ZNF709: variants seen among roughly 807,000 people sequenced by gnomAD.
ZNF709 encodes the protein zinc finger protein 709.
In ZNF709, 15 loss-of-function variants were observed where a neutral mutation model predicts 10.6. That is an observed-to-expected ratio of 1.41 (90% CI 0.95 to 2.18). The LOEUF (loss-of-function observed/expected upper bound fraction) is 2.18, where lower values mean the gene tolerates loss of function less well. Among genes scored for constraint, ZNF709 ranks in the 30% most tolerant of loss-of-function variants. The pLI, the probability that ZNF709 is intolerant of heterozygous loss-of-function variation, is 0.00. For missense variants in ZNF709, 589 were observed against 774.0 expected, an observed-to-expected ratio of 0.76 and a Z score of 2.84; for synonymous variants, 194 against 238.8, an observed-to-expected ratio of 0.81 and a Z score of 1.73.
At chr19:12,465,816 CAT>C in intron 3 of ZNF709, 83 bp from the exon 4 acceptor site, 1 of 1,123,898 alleles carries the variant, frequency 8.9e-7, no homozygotes, top group Non-Finnish European at 1.2e-6. Flanking sequence ...ATTTCACAAT[CAT>C]TAGTAGGTAG....
intron 1 of ZNF709, among the ~76,000 whole-genome samples, chr19:12,483,005 G>A (rs1426825464): frequency 6.6e-6 from 1 of 152,080 alleles, no homozygotes; most frequent in Non-Finnish European, 1.5e-5. Flanking sequence ...TGGATAACCT[G>A]AGCCCAGAAT....
At chr19:12,468,042 C>A (rs1280485599) in intron 1 of ZNF709, among the ~76,000 whole-genome samples, 76 of 149,498 alleles carry the variant, frequency 5.1e-4, no homozygotes, top group African/African-American at 1.7e-3. Context: ...CAGCCCCCGC[C>A]CGGCCAGCCG....
At chr19:12,473,631 A>AAC (rs1970653144) in intron 1 of ZNF709, among the ~76,000 whole-genome samples, 1 of 152,214 alleles carries the variant, frequency 6.6e-6, no homozygotes, top group Non-Finnish European at 1.5e-5. Flanking sequence ...TACACCTATG[A>AAC]AGCCCTCAGT....
intron 1 of ZNF709, among the ~76,000 whole-genome samples, chr19:12,467,615 T>G (rs555064626): frequency 6.7e-6 from 1 of 149,704 alleles, no homozygotes; most frequent in South Asian, 2.1e-4. Context: ...GTCTGGGATG[T>G]GAGGAGCCCC....
At chr19:12,466,378 T>A in intron 3 of ZNF709, 84 bp downstream of exon 3, 1 of 1,343,570 alleles carries the variant, frequency 7.4e-7, no homozygotes, top group African/African-American at 1.5e-5. Flanking sequence ...GGGGCTTATT[T>A]GTTTCAATTA....
In ZNF709 at chr19:12,463,465, C is replaced by T. The variant is rs1308857510; in HGVS notation, c.*531G>A. ...AAATTCTTTACACTTCATATGCCTT[C>T]TCATGGTCCTTAAAAGGTCATATGA... is the stretch of plus-strand genomic sequence containing the variant. On this transcript the variant is annotated 3_prime_UTR_variant, in exon 4 of 4. Coordinates refer to ENST00000397732, the MANE Select transcript of ZNF709 (RefSeq NM_152601.4). 6.6e-6 allele frequency: 1 copy of T among 152,222 alleles called. No homozygotes were observed. Among genetic ancestry groups the T allele is most frequent in the African/African-American group, 2.4e-5 (1 of 41,452 alleles). 9.4% of individuals were successfully genotyped at this position (152,222 alleles called of 1,614,324 possible). A position where few individuals can be genotyped will look rare whatever the true frequency, so the allele number is the denominator to read the frequency against.
Position 12,464,291 on chromosome 19 carries a change from G to T in ZNF709, c.1631C>A (p.Ser544Tyr). The change falls in exon 4 of 4, where the codon TCC becomes TAC. Residue 544 changes from serine to tyrosine, a missense_variant. Physicochemically the swap from Ser to Tyr is moderately radical, Grantham distance 144. This residue lies in a region of ZNF709 where 171 missense variants were observed against 277.7 expected (regional missense o/e 0.62). Coordinates refer to ENST00000397732, the MANE Select transcript of ZNF709 (RefSeq NM_152601.4). ...CCTTTCATGTATTCGAATGGAACTG[G>T]AACAACTAAACGCCTTACCACACTG... is the stretch of plus-strand genomic sequence containing the variant. ...CKQCGKAFSC[S>Y]SSIRIHERTH... The T allele has an allele frequency of 6.2e-7, 1 of 1,605,798 alleles. No individual in the cohort carries two copies. The highest frequency in any genetic ancestry group is 1.1e-5 in the South Asian group (1 of 89,578).
At position 12,462,452 on chromosome 19, in the gene ZNF709, ATC is replaced by A. The variant is rs1482822743; in HGVS notation, c.*1542_*1543del. Reference sequence around the variant, plus strand: ...TATAGGTTATATGGTTCTATCTCAGATCTCTCTTATTAATACAAAGTCTATTA... The same window carrying A: ...TATAGGTTATATGGTTCTATCTCAGATCTCTTATTAATACAAAGTCTATTA... On this transcript the variant is annotated 3_prime_UTR_variant, in exon 4 of 4. Transcript: ENST00000397732. 2.6e-5 allele frequency: 4 copies of A among 152,326 alleles called. No homozygotes were observed. The East Asian group carries it at 7.7e-4, about 29-fold the overall frequency. The allele number at this position is 152,326 out of a possible 1,614,324, so 9.4% of individuals were successfully genotyped here.
At chr19:12,476,784 G>T (rs1970681311) in intron 1 of ZNF709, among the ~76,000 whole-genome samples, 1 of 152,082 alleles carries the variant, frequency 6.6e-6, no homozygotes, top group South Asian at 2.1e-4. Flanking sequence ...TTACCAAATG[G>T]TTTTTAGGAA....
intron 1 of ZNF709, among the ~76,000 whole-genome samples, chr19:12,476,591 T>G (rs1260377391): frequency 6.6e-6 from 1 of 152,194 alleles, no homozygotes; most frequent in Non-Finnish European, 1.5e-5. Flanking sequence ...TAGAGCCTTT[T>G]GCGGTAGGGG....
At position 12,463,838 on chromosome 19, in the gene ZNF709, A is replaced by T; in HGVS notation, c.*158T>A. 3.9e-6 allele frequency: 2 copies of T among 507,110 alleles called. No homozygotes were observed. Among genetic ancestry groups the T allele is most frequent in the Non-Finnish European group, 6.4e-6 (2 of 312,340 alleles). 31.4% of individuals were successfully genotyped at this position (507,110 alleles called of 1,614,324 possible). A position where few individuals can be genotyped will look rare whatever the true frequency, so the allele number is the denominator to read the frequency against. On this transcript the variant is annotated 3_prime_UTR_variant, in exon 4 of 4. Transcript: ENST00000397732. ...GCTACTCAGGAAGCTGAGGCAGGAG[A>T]ATCGCTTGAACCCAGGAGACAGAGG...
chr19:12,465,872 A>C, intron 3 of ZNF709, 139 bp from the exon 4 acceptor site: 1 of 581,696 alleles, frequency 1.7e-6, no homozygotes, highest in Non-Finnish European at 2.7e-6. Flanking sequence ...GTATGTCATG[A>C]ATGCTCAGGA....
chr19:12,464,169 C>T lies in ZNF709; in HGVS notation c.1753G>A (p.Val585Met), dbSNP rs753834244. Residue 585 changes from valine to methionine, a missense_variant, in exon 4 of 4, where the codon GTG becomes ATG. This residue lies in a region of ZNF709 where 171 missense variants were observed against 277.7 expected (regional missense o/e 0.62). Transcript: ENST00000397732. ...VRMHERTHTG[V>M]KPYECKQCDK... ...CATTGTTTACATTCATAGGGTTTCA[C>T]TCCAGTGTGAGTCCTTTCATGCATT... 1 of 1,577,318 alleles carries T rather than the reference C, an allele frequency of 6.3e-7. No individual in the cohort carries two copies. Among genetic ancestry groups the T allele is most frequent in the South Asian group, 1.2e-5 (1 of 83,624 alleles).
chr19:12,470,072 G>T (rs1006573374), intron 1 of ZNF709, among the ~76,000 whole-genome samples: 10 of 152,188 alleles, frequency 6.6e-5, no homozygotes, highest in Non-Finnish European at 1.3e-4. Flanking sequence ...ATTTCAGAAA[G>T]AAGTGATCCG....
intron 1 of ZNF709, among the ~76,000 whole-genome samples, chr19:12,469,697 A>G (rs929872035): frequency 6.6e-6 from 1 of 152,058 alleles, no homozygotes; most frequent in Admixed American, 6.6e-5. Flanking sequence ...TGAACCTGGG[A>G]GGCAGAGCTT....
Position 12,465,385 on chromosome 19 carries a change from C to A in ZNF709, c.537G>T (p.Trp179Cys). 2 of 1,610,438 alleles carry A rather than the reference C, an allele frequency of 1.2e-6. No homozygotes were observed. Among genetic ancestry groups the A allele is most frequent in the South Asian group, 2.2e-5 (2 of 90,546 alleles). Residue 179 changes from tryptophan (W) to cysteine (C), a missense_variant, in exon 4 of 4, where the codon TGG (tryptophan) becomes TGT (cysteine). Trp to Cys is a radical substitution (Grantham distance 215). Around this residue, in one of 2 missense-constraint regions of ZNF709, gnomAD observed 418 missense variants for 496.3 expected, o/e 0.84. Transcript: ENST00000397732. ...TTTCATGTATTTGAAAGGAACTGGGCCAACTGAAAGCCTTACCACACTGTT... is the reference window on the plus strand; with the variant it reads ...TTTCATGTATTTGAAAGGAACTGGGACAACTGAAAGCCTTACCACACTGTT... ...KCKQCGKAFS[W>C]PSSFQIHERT...
At chr19:12,469,897 T>G (rs1214948348) in intron 1 of ZNF709, among the ~76,000 whole-genome samples, 3 of 152,190 alleles carry the variant, frequency 2.0e-5, no homozygotes, top group Admixed American at 6.5e-5. Flanking sequence ...AACCTAACAG[T>G]GTACCCTGAG....
intron 1 of ZNF709, among the ~76,000 whole-genome samples, chr19:12,478,741 T>A (rs543968486): frequency 6.6e-6 from 1 of 152,266 alleles, no homozygotes; most frequent in African/African-American, 2.4e-5. Context: ...TGGCCTGGGT[T>A]TTTATTGTAG....
Position 12,465,080 on chromosome 19 carries a change from T to C in ZNF709, c.842A>G (p.Gln281Arg), listed in dbSNP as rs183502634. The change falls in exon 4 of 4, where the codon CAG becomes CGG. Residue 281 changes from glutamine to arginine, a missense_variant. Gln to Arg is a conservative substitution (Grantham distance 43, BLOSUM62 1). Around this residue, in one of 2 missense-constraint regions of ZNF709, gnomAD observed 418 missense variants for 496.3 expected, o/e 0.84. Transcript: ENST00000397732. ...ERTHTGEKPY[Q>R]CKQCGKALSC... ...AAGAGCTTTACCACATTGCTTACAC[T>C]GATAGGGTTTTTCCCCAGTGTGAGT... The C allele has an allele frequency of 5.9e-4, 958 of 1,613,056 alleles. 11 individuals are homozygous for C. The Admixed American group carries it at 0.015, about 25-fold the overall frequency.
Sources: allele counts gnomAD v4.1 joint callset (sites outside exome capture counted in the v4.1 genomes callset), GRCh38; gene constraint gnomAD v4.1.1; regional missense constraint gnomAD v4.1.1; transcripts MANE v1.5; gene names NCBI Gene and HGNC (gene_info 2026-07-23, HGNC 2026-07-21).